Variants in MOSPD1 observed in about 807,000 individuals in gnomAD.
MOSPD1 encodes motile sperm domain containing 1.
In MOSPD1, 5 loss-of-function variants were observed where a neutral mutation model predicts 16.7. That is an observed-to-expected ratio of 0.30 (90% CI 0.16 to 0.63). MOSPD1 has a LOEUF of 0.63. Ranked by LOEUF, MOSPD1 falls within the 30% of genes least tolerant of loss-of-function variation. MOSPD1 has a pLI of 0.82. For missense variants in MOSPD1, 104 were observed against 153.6 expected (o/e 0.68, Z 1.71); for synonymous variants, 67 against 59.2 (o/e 1.13, Z -0.61).
At chrX:134,898,881 T>C in intron 3 of MOSPD1, 2 of 376,128 alleles carry the variant, frequency 5.3e-6, no homozygotes, top group Non-Finnish European at 9.3e-6. Flanking sequence ...GATACTAACA[T>C]ATACATGAGC....
chrX:134,892,961 A>G (rs1180990932), intron 4 of MOSPD1, among the ~76,000 whole-genome samples: 2 of 111,608 alleles, frequency 1.8e-5, no homozygotes, highest in East Asian at 2.8e-4. Flanking sequence ...CTCTATGTGT[A>G]TAGTATACAT....
intron 1 of MOSPD1, among the ~76,000 whole-genome samples, chrX:134,902,355 C>T (rs1431728870): frequency 9.3e-6 from 1 of 108,090 alleles, no homozygotes; most frequent in African/African-American, 3.4e-5. Context: ...TGCAGTGAGC[C>T]GAGATCGCTG....
intron 1 of MOSPD1, among the ~76,000 whole-genome samples, chrX:134,903,884 A>T (rs1367373658): frequency 9.3e-6 from 1 of 107,842 alleles, no homozygotes; most frequent in Non-Finnish European, 1.9e-5. Flanking sequence ...CTAAAAATAC[A>T]GACATTAGCC....
At chrX:134,899,767 A>G in intron 1 of MOSPD1, 1 of 149,725 alleles carries the variant, frequency 6.7e-6, no homozygotes, top group Non-Finnish European at 1.3e-5. Context: ...TGTCTCTACT[A>G]AAAATACAAA....
chrX:134,891,416 A>C, intron 5 of MOSPD1, 63 bp downstream of exon 5: 1 of 1,057,078 alleles, frequency 9.5e-7, no homozygotes, highest in Non-Finnish European at 1.3e-6. Flanking sequence ...TCAAACCACC[A>C]CCACCCTACC....
In MOSPD1 at chrX:134,912,486, T is replaced by C. The variant is rs1262982836; in HGVS notation, c.-102+2696A>G. Among the ~76,000 whole-genome samples the C allele has an allele frequency of 4.6e-5, 5 of 109,282 alleles. No individual in the cohort carries two copies. In the South Asian group the frequency reaches 1.6e-3, roughly 35 times the overall value. 94.9% of individuals were successfully genotyped at this position (109,282 alleles called of 115,157 possible). A position where few individuals can be genotyped will look rare whatever the true frequency, so the allele number is the denominator to read the frequency against. ...GAGCCACCACTCCCCACCTTTTTTTTCTTTTTGAGACAGGGTCTTCCTCTG... is the reference window on the plus strand; with the variant it reads ...GAGCCACCACTCCCCACCTTTTTTTCCTTTTTGAGACAGGGTCTTCCTCTG... On this transcript the variant is annotated intron_variant, in intron 1 of 5. Coordinates refer to ENST00000370783, the MANE Select transcript of MOSPD1 (RefSeq NM_019556.3).
At position 134,907,890 on chromosome X, in the gene MOSPD1, T is replaced by A. The variant is rs191764541; in HGVS notation, c.-102+7292A>T. On this transcript the variant is annotated intron_variant, in intron 1 of 5. Coordinates refer to ENST00000370783, the MANE Select transcript of MOSPD1 (RefSeq NM_019556.3). Reference sequence around the variant, plus strand: ...CTCAAGTGATTCTTCCACCTCAGCCTCCCAAGTAGCTGGGACCACAGGTAA... The same window carrying A: ...CTCAAGTGATTCTTCCACCTCAGCCACCCAAGTAGCTGGGACCACAGGTAA... 2.4e-3 allele frequency among the ~76,000 whole-genome samples: 266 copies of A among 112,316 alleles called. 1 individual carries two copies. The highest frequency in any genetic ancestry group is 8.2e-3 in the African/African-American group (254 of 30,951).
intron 5 of MOSPD1, among the ~76,000 whole-genome samples, chrX:134,889,958 C>G (rs7066676): frequency 0.28 from 30,952 of 108,627 alleles, 3,652 homozygotes; most frequent in Middle Eastern, 0.41. Context: ...GTAATCCCAG[C>G]TACTTGGGAA....
chrX:134,913,363 G>C (rs2082982952), intron 1 of MOSPD1, among the ~76,000 whole-genome samples: 1 of 111,554 alleles, frequency 9.0e-6, no homozygotes, highest in African/African-American at 3.3e-5. Context: ...GACAGAGCAA[G>C]ACCCTGTCTC....
intron 4 of MOSPD1, among the ~76,000 whole-genome samples, chrX:134,894,667 G>A (rs1603255147): frequency 1.8e-5 from 2 of 111,753 alleles, no homozygotes; most frequent in East Asian, 5.6e-4. Context: ...TGTTGGCCAG[G>A]ACTGTGAATG....
At chrX:134,912,644 CA>C (rs199964723) in intron 1 of MOSPD1, among the ~76,000 whole-genome samples, 12 of 101,352 alleles carry the variant, frequency 1.2e-4, no homozygotes, top group Non-Finnish European at 1.2e-4. Context: ...TTCAGCTAAT[CA>C]AAAAAAAAAA....
At chrX:134,913,864 T>G (rs1037931350) in intron 1 of MOSPD1, among the ~76,000 whole-genome samples, 2 of 111,860 alleles carry the variant, frequency 1.8e-5, no homozygotes, top group Non-Finnish European at 3.8e-5. Flanking sequence ...CCTGATTGGG[T>G]ATGTAGACGT....
intron 4 of MOSPD1, among the ~76,000 whole-genome samples, chrX:134,893,226 G>A (rs1227882259): frequency 8.9e-6 from 1 of 111,744 alleles, no homozygotes; most frequent in Non-Finnish European, 1.9e-5. Context: ...ATTATTGTTT[G>A]GAATGAAACA....
intron 4 of MOSPD1, 83 bp from the exon 5 acceptor site, chrX:134,891,723 C>A: frequency 1.1e-6 from 1 of 938,571 alleles, no homozygotes; most frequent in Non-Finnish European, 1.5e-6. Context: ...CACCACAGAC[C>A]AGTATTCTGA....
At chrX:134,904,956 A>G (rs2082933733) in intron 1 of MOSPD1, among the ~76,000 whole-genome samples, 1 of 111,635 alleles carries the variant, frequency 9.0e-6, no homozygotes, top group African/African-American at 3.3e-5. Context: ...GGGATACCAG[A>G]TATCAAGAGG....
chrX:134,902,390 CATAAATAAATAA>C (rs763157635), intron 1 of MOSPD1, among the ~76,000 whole-genome samples: 11 of 99,518 alleles, frequency 1.1e-4, no homozygotes, highest in East Asian at 3.1e-4. Context: ...AATTCCGTCT[CATAAATAAATAA>C]ATAAATAAAT....
chrX:134,893,345 T>G (rs1164968263), intron 4 of MOSPD1, among the ~76,000 whole-genome samples: 3 of 104,125 alleles, frequency 2.9e-5, no homozygotes, highest in Non-Finnish European at 5.9e-5. Flanking sequence ...CAGTTATTTA[T>G]GACAAGTACG....
chrX:134,912,528 G>A (rs1486516815), intron 1 of MOSPD1, among the ~76,000 whole-genome samples: 4 of 109,846 alleles, frequency 3.6e-5, no homozygotes, highest in Non-Finnish European at 5.7e-5. Context: ...AGGCTGGAGT[G>A]CAGTGGCATG....
intron 1 of MOSPD1, among the ~76,000 whole-genome samples, chrX:134,909,283 GA>G (rs2148400103): frequency 8.9e-6 from 1 of 111,737 alleles, no homozygotes; most frequent in South Asian, 3.8e-4. Context: ...AAAAAAGAAA[GA>G]AAGAGGAGGC....
Sources: gnomAD v4.1 joint callset for allele counts (sites outside exome capture counted in the v4.1 genomes callset) on GRCh38, gnomAD v4.1.1 for gene constraint, MANE v1.5 for transcripts, NCBI Gene and HGNC (gene_info 2026-07-23, HGNC 2026-07-21) for gene names.